CATSPERD: variants seen among roughly 807,000 people sequenced by gnomAD.
CATSPERD encodes catsper channel auxiliary subunit delta, also known as cation channel sperm-associated auxiliary subunit delta.
CATSPERD carries 86 observed loss-of-function variants against 98.1 expected under a neutral mutation model. The ratio of observed to expected loss-of-function variants is 0.88; its 90% CI spans 0.74 to 1.05. CATSPERD has a LOEUF of 1.05. Ranked by LOEUF, CATSPERD falls within the 50% of genes least tolerant of loss-of-function variation. The probability of loss-of-function intolerance (pLI) is 0.00; values close to 1 mark genes in which losing one functional copy is unlikely to be tolerated. For missense variants in CATSPERD, 995 were observed against 1,005.7 expected, an observed-to-expected ratio of 0.99 and a Z score of 0.14; for synonymous variants, 394 against 390.2, an observed-to-expected ratio of 1.01 and a Z score of -0.12.
At chr19:5,743,671 TCTCTCTCTCTTC>T (rs1287246742) in intron 7 of CATSPERD, among the ~76,000 whole-genome samples, 13 of 131,342 alleles carry the variant, frequency 9.9e-5, no homozygotes, top group African/African-American at 3.6e-4. Flanking sequence ...TCTCTTCCTC[TCTCTCTCTCTTC>T]CTCTCTCTCT....
At chr19:5,756,943 C>CA (rs964778432) in intron 13 of CATSPERD, among the ~76,000 whole-genome samples, 2 of 136,884 alleles carry the variant, frequency 1.5e-5, no homozygotes, top group Non-Finnish European at 3.2e-5. Flanking sequence ...ACTCTGCCTC[C>CA]AAAAAAAATA....
At position 5,727,336 on chromosome 19, in the gene CATSPERD, A is replaced by G. The variant is rs765711880; in HGVS notation, c.195A>G (p.Leu65=). ...IKHPCEKNIA[L]YLGKQVFFTM... ...ATCCTTGCGAGAAAAATATAGCACT[A>G]TATCTAGGGTAAGTGGCAATTTTAT... The change falls in exon 3 of 22, where the codon CTA becomes CTG. Residue 65 remains leucine, a synonymous_variant. Transcript: ENST00000381624. 1.2e-6 allele frequency: 2 copies of G among 1,610,046 alleles called. No homozygotes were observed. The highest frequency in any genetic ancestry group is 2.2e-5 in the South Asian group (2 of 90,962).
intron 7 of CATSPERD, among the ~76,000 whole-genome samples, chr19:5,741,391 G>A (rs1192380188): frequency 6.6e-6 from 1 of 152,064 alleles, no homozygotes; most frequent in African/African-American, 2.4e-5. Context: ...AGATCAAGAC[G>A]CCAGCAAGGT....
intron 4 of CATSPERD, 104 bp from the exon 5 acceptor site, chr19:5,733,752 G>A (rs1371730400): frequency 2.1e-5 from 17 of 793,064 alleles, no homozygotes; most frequent in East Asian, 5.3e-5. Context: ...CACCGCGCCC[G>A]TCCATACATT....
intron 18 of CATSPERD, among the ~76,000 whole-genome samples, 161 bp downstream of exon 18, chr19:5,768,403 C>T (rs1462542127): frequency 1.3e-5 from 2 of 151,894 alleles, no homozygotes; most frequent in African/African-American, 4.8e-5. Context: ...GTGGCGCGAT[C>T]TCGGCTCACT....
chr19:5,733,121 G>A (rs778838832), intron 4 of CATSPERD, among the ~76,000 whole-genome samples: 10 of 151,664 alleles, frequency 6.6e-5, no homozygotes, highest in Non-Finnish European at 1.2e-4. Flanking sequence ...AGCCTCCCGA[G>A]TAGCTGGGAC....
intron 15 of CATSPERD, among the ~76,000 whole-genome samples, 197 bp from the exon 16 acceptor site, chr19:5,763,018 G>A (rs2056471892): frequency 6.6e-6 from 1 of 150,552 alleles, no homozygotes; most frequent in Non-Finnish European, 1.5e-5. Context: ...AGATGGATGA[G>A]TGGATGGGTA....
intron 12 of CATSPERD, chr19:5,753,561 C>CA (rs374878871): frequency 0.061 from 19,372 of 316,000 alleles, 1 homozygote; most frequent in South Asian, 0.093. Flanking sequence ...GACTCTGTCT[C>CA]AAAAAAAAAA....
At chr19:5,736,755 G>A (rs1032483033) in intron 5 of CATSPERD, among the ~76,000 whole-genome samples, 1 of 149,710 alleles carries the variant, frequency 6.7e-6, no homozygotes, top group African/African-American at 2.5e-5. Flanking sequence ...AAATAAATAA[G>A]TAAATAAATA....
In CATSPERD at chr19:5,728,369, AAAAAAGAAAAAG is replaced by A. The variant is rs1417829955; in HGVS notation, c.203+1030_203+1041del. 7.7e-3 allele frequency among the ~76,000 whole-genome samples: 1,155 copies of A among 150,556 alleles called. 19 individuals are homozygous for A. The highest frequency in any genetic ancestry group is 0.026 in the African/African-American group (1,082 of 40,900). ...GAGACTCTGTCTCAAAAAAAAAAAA[AAAAAAGAAAAAG>A]AAAAGAAAAGAAAGAAAAAGAAAAT... On this transcript the variant is annotated intron_variant, in intron 3 of 21. Coordinates refer to ENST00000381624, the MANE Select transcript of CATSPERD (RefSeq NM_152784.4).
At chr19:5,737,317 T>C (rs1280360312) in intron 6 of CATSPERD, 112 bp downstream of exon 6, 1 of 672,032 alleles carries the variant, frequency 1.5e-6, no homozygotes, top group East Asian at 3.1e-5. Context: ...TCCCAGCACT[T>C]TGGGAGGCCG....
rs185508094 is a variant in CATSPERD at position 5,721,059 on chromosome 19, C to T, written c.71+251C>T. Among the ~76,000 whole-genome samples the T allele has an allele frequency of 7.6e-3, 1,145 of 149,888 alleles. 12 individuals carry two copies. The highest frequency in any genetic ancestry group is 0.027 in the African/African-American group (1,083 of 40,602). On this transcript the variant is annotated intron_variant, in intron 1 of 21. Transcript: ENST00000381624. The stretch of plus-strand genomic sequence containing the variant: ...TGTCGCCCAGGCTGCAGTGCAGTGG[C>T]GCGATCTCGGCTCACTGCAAGCTCC...
chr19:5,754,240 C>A lies in CATSPERD; in HGVS notation c.1273C>A (p.Pro425Thr). 1 of 1,608,802 alleles carries A rather than the reference C, an allele frequency of 6.2e-7. No homozygotes were observed. Among genetic ancestry groups the A allele is most frequent in the South Asian group, 1.1e-5 (1 of 90,974 alleles). ...LIPQPGTSLIPLVMVSNPHSL... is the reference protein window; with the variant it reads ...LIPQPGTSLITLVMVSNPHSL... ...ACCCCAGCCAGGCACATCCCTGATT[C>A]CTCTGGTAAGTACATCTTAATGTTT... Residue 425 changes from proline (P) to threonine (T), a missense_variant, in exon 13 of 22, where the codon CCT (proline) becomes ACT (threonine). Physicochemically the swap from Pro to Thr is conservative, Grantham distance 38 (BLOSUM62 -1). Around this residue, in one of 3 missense-constraint regions of CATSPERD, gnomAD observed 762 missense variants for 773.7 expected, o/e 0.98. Transcript: ENST00000381624.
chr19:5,776,372 T>A, intron 21 of CATSPERD, 57 bp downstream of exon 21: 2 of 1,587,706 alleles, frequency 1.3e-6, no homozygotes, highest in Non-Finnish European at 1.7e-6. Flanking sequence ...TGGGGGCAGG[T>A]CACCCGTTTC....
At chr19:5,767,399 C>G (rs2056560518) in intron 17 of CATSPERD, among the ~76,000 whole-genome samples, 3 of 149,436 alleles carry the variant, frequency 2.0e-5, no homozygotes, top group African/African-American at 7.4e-5. Context: ...CCTCCCAGAG[C>G]TGGGGTCTCT....
intron 13 of CATSPERD, among the ~76,000 whole-genome samples, chr19:5,756,374 T>A (rs1289978399): frequency 1.3e-5 from 2 of 152,170 alleles, no homozygotes; most frequent in Non-Finnish European, 2.9e-5. Context: ...CATTTGGGAC[T>A]ATGCGAAAGT....
At chr19:5,729,047 C>T (rs2145688146) in intron 3 of CATSPERD, among the ~76,000 whole-genome samples, 1 of 151,536 alleles carries the variant, frequency 6.6e-6, no homozygotes, top group East Asian at 2.0e-4. Context: ...ATGAGAAATG[C>T]CATTCATGAT....
chr19:5,724,876 T>C lies in CATSPERD; in HGVS notation c.126+14T>C. 1 of 1,613,264 alleles carries C rather than the reference T, an allele frequency of 6.2e-7. No homozygotes were observed. The highest frequency in any genetic ancestry group is 8.5e-7 in the Non-Finnish European group (1 of 1,179,206). Reference sequence around the variant, plus strand: ...GACGTTCAAGGGGTATGTGGCTCCATGCTTAAATTCATCCTTCACTTTTGT... The same window carrying C: ...GACGTTCAAGGGGTATGTGGCTCCACGCTTAAATTCATCCTTCACTTTTGT... On this transcript the variant is annotated intron_variant, in intron 2 of 21. Transcript: ENST00000381624.
intron 16 of CATSPERD, among the ~76,000 whole-genome samples, chr19:5,765,164 C>T (rs982329026): frequency 6.6e-6 from 1 of 151,760 alleles, no homozygotes; most frequent in Non-Finnish European, 1.5e-5. Context: ...CTGGCTCAGC[C>T]TCTCAAAGTG....
Sources: allele counts gnomAD v4.1 joint callset (sites outside exome capture counted in the v4.1 genomes callset), GRCh38; gene constraint gnomAD v4.1.1; regional missense constraint gnomAD v4.1.1; transcripts MANE v1.5; gene names NCBI Gene and HGNC (gene_info 2026-07-23, HGNC 2026-07-21).